Variants in PIP5K1B observed in about 807,000 individuals in gnomAD.
PIP5K1B encodes phosphatidylinositol 4-phosphate 5-kinase type-1 beta.
A neutral mutation model predicts 67.0 loss-of-function variants in PIP5K1B; 42 were observed. That is an observed-to-expected ratio of 0.63 (90% CI 0.49 to 0.81). PIP5K1B has a LOEUF of 0.81. Ranked by LOEUF, PIP5K1B falls within the 30% of genes least tolerant of loss-of-function variation. The pLI is 0.00. For synonymous variants in PIP5K1B, 214 were observed against 231.4 expected (o/e 0.92, Z 0.68); for missense variants, 459 against 646.3 (o/e 0.71, Z 3.14).
chr9:68,765,817 C>G (rs1830400602), intron 2 of PIP5K1B, among the ~76,000 whole-genome samples: 1 of 152,180 alleles, frequency 6.6e-6, no homozygotes, highest in Admixed American at 6.5e-5. Flanking sequence ...AGAACAAGCA[C>G]TGTCAGATCT....
intron 8 of PIP5K1B, among the ~76,000 whole-genome samples, chr9:68,910,940 G>A (rs1218993859): frequency 2.0e-5 from 3 of 152,256 alleles, no homozygotes; most frequent in Admixed American, 2.0e-4. Context: ...AAAGACATTG[G>A]CTAGGGCCAT....
intron 8 of PIP5K1B, among the ~76,000 whole-genome samples, chr9:68,901,698 T>TA (rs1825362477): frequency 6.6e-6 from 1 of 152,218 alleles, no homozygotes; most frequent in South Asian, 2.1e-4. Context: ...AAAGCAAAGT[T>TA]AAAGTTGGTG....
At chr9:68,885,632 A>G (rs549703141) in intron 6 of PIP5K1B, among the ~76,000 whole-genome samples, 17 of 143,488 alleles carry the variant, frequency 1.2e-4, no homozygotes, top group Non-Finnish European at 1.8e-4. Context: ...GAGCTAAGCT[A>G]TGGGTATGCA....
At chr9:68,880,196 G>GATAGATAC (rs1451761853) in intron 6 of PIP5K1B, among the ~76,000 whole-genome samples, 1 of 152,198 alleles carries the variant, frequency 6.6e-6, no homozygotes, top group African/African-American at 2.4e-5. Context: ...GACGCTGGAA[G>GATAGATAC]ATAGATACAT....
At chr9:68,821,324 A>G (rs1485646938) in intron 3 of PIP5K1B, among the ~76,000 whole-genome samples, 1 of 152,238 alleles carries the variant, frequency 6.6e-6, no homozygotes, top group African/African-American at 2.4e-5. Context: ...GCAATTAATG[A>G]CCTTAAAACA....
At position 68,778,380 on chromosome 9, in the gene PIP5K1B, C is replaced by T. The variant is rs1443493465; in HGVS notation, c.-86+35723C>T. ...CCTTGTGTTCTTCTGCTTCAGATCT[C>T]TTAATTTCTACAACTCTAAATGTGC... On this transcript the variant is annotated intron_variant, in intron 2 of 15. Transcript: ENST00000265382. Among the ~76,000 whole-genome samples the T allele has an allele frequency of 1.1e-4, 16 of 152,184 alleles. 1 individual carries two copies. Among genetic ancestry groups the T allele is most frequent in the Admixed American group, 1.0e-3 (16 of 15,280 alleles).
At chr9:68,781,065 G>C (rs956030755) in intron 2 of PIP5K1B, 5 of 1,582,676 alleles carry the variant, frequency 3.2e-6, no homozygotes, top group Non-Finnish European at 4.3e-6. Context: ...GCAGTGGAGA[G>C]AGAGAATAAT....
At chr9:68,709,523 G>T (rs922682801) in intron 1 of PIP5K1B, among the ~76,000 whole-genome samples, 2 of 152,192 alleles carry the variant, frequency 1.3e-5, no homozygotes, top group Non-Finnish European at 2.9e-5. Flanking sequence ...GTGAGACCCT[G>T]TGCTCGGCCA....
At chr9:68,908,386 A>G (rs2132472181) in intron 8 of PIP5K1B, among the ~76,000 whole-genome samples, 1 of 152,074 alleles carries the variant, frequency 6.6e-6, no homozygotes, top group South Asian at 2.1e-4. Flanking sequence ...CATTATATAT[A>G]TACATGTATA....
At chr9:68,787,663 C>T (rs546451686) in intron 2 of PIP5K1B, among the ~76,000 whole-genome samples, 121 of 152,100 alleles carry the variant, frequency 8.0e-4, no homozygotes, top group African/African-American at 2.5e-3. Flanking sequence ...GACAGAGTCT[C>T]GCTCTGTCAC....
chr9:68,915,862 G>A (rs2132506392), intron 8 of PIP5K1B, among the ~76,000 whole-genome samples: 1 of 152,330 alleles, frequency 6.6e-6, no homozygotes, highest in African/African-American at 2.4e-5. Flanking sequence ...TGATGGCAAA[G>A]ATGCCTGTAA....
Position 68,934,946 on chromosome 9 carries a change from A to G in PIP5K1B, c.1258A>G (p.Thr420Ala), listed in dbSNP as rs766030406. 5.8e-5 allele frequency: 93 copies of G among 1,613,236 alleles called. No individual in the cohort carries two copies. Among genetic ancestry groups the G allele is most frequent in the Non-Finnish European group, 7.5e-5 (88 of 1,179,504 alleles). Residue 420 changes from threonine to alanine, a missense_variant, in exon 13 of 16, where the codon ACT becomes GCT. This residue lies in a region of PIP5K1B where 169 missense variants were observed against 171.9 expected (regional missense o/e 0.98). Coordinates refer to ENST00000265382, the MANE Select transcript of PIP5K1B (RefSeq NM_003558.4). ...CAATTCAATCGCCGCCCTAAAGGCCACTTCACAGGAGATTGTGTCCTCAAT... is the reference window on the plus strand; with the variant it reads ...CAATTCAATCGCCGCCCTAAAGGCCGCTTCACAGGAGATTGTGTCCTCAAT... The part of the protein sequence containing the change: ...RCNSIAALKA[T>A]SQEIVSSISQ...
chr9:68,719,549 T>G (rs759436178), intron 1 of PIP5K1B, among the ~76,000 whole-genome samples: 1 of 152,254 alleles, frequency 6.6e-6, no homozygotes, highest in Non-Finnish European at 1.5e-5. Flanking sequence ...AACGGTGTCA[T>G]TGCTGTGGCA....
At chr9:68,863,135 A>T (rs953859204) in intron 4 of PIP5K1B, among the ~76,000 whole-genome samples, 2 of 152,162 alleles carry the variant, frequency 1.3e-5, no homozygotes, top group Non-Finnish European at 2.9e-5. Context: ...CCTGTGCAGC[A>T]TCCCTGGCCT....
intron 7 of PIP5K1B, among the ~76,000 whole-genome samples, chr9:68,893,772 C>T (rs958504053): frequency 6.6e-6 from 1 of 152,162 alleles, no homozygotes; most frequent in Non-Finnish European, 1.5e-5. Context: ...GCAAAATTAT[C>T]TTTAAGGTGA....
At chr9:68,731,426 G>T (rs1828425793) in intron 1 of PIP5K1B, among the ~76,000 whole-genome samples, 1 of 152,206 alleles carries the variant, frequency 6.6e-6, no homozygotes, top group Non-Finnish European at 1.5e-5. Flanking sequence ...TATTGAGAGG[G>T]TTAACCGAGA....
Position 68,739,478 on chromosome 9 carries a change from GTTAGCACATTATA to G in PIP5K1B, c.-242-3020_-242-3008del, listed in dbSNP as rs1268979068. Among the ~76,000 whole-genome samples the G allele has an allele frequency of 2.0e-5, 3 of 152,304 alleles. No homozygotes were observed. In the East Asian group the frequency reaches 5.8e-4, roughly 29 times the overall value. On this transcript the variant is annotated intron_variant, in intron 1 of 15. Coordinates refer to ENST00000265382, the MANE Select transcript of PIP5K1B (RefSeq NM_003558.4). ...TTGACTGACAAAGACAAGAGGCCAC[GTTAGCACATTATA>G]TTCTTTCCTTAAAACTTTAAAATAT...
intron 2 of PIP5K1B, among the ~76,000 whole-genome samples, chr9:68,810,701 G>C (rs1425096198): frequency 6.6e-6 from 1 of 152,088 alleles, no homozygotes; most frequent in Non-Finnish European, 1.5e-5. Context: ...TGGCCCCCAG[G>C]CACAATATAT....
At chr9:68,746,221 G>C (rs1185442079) in intron 2 of PIP5K1B, among the ~76,000 whole-genome samples, 1 of 151,826 alleles carries the variant, frequency 6.6e-6, no homozygotes, top group Non-Finnish European at 1.5e-5. Context: ...TAGGACTACA[G>C]GCATGCATCA....
Sources: gnomAD v4.1 joint callset for allele counts (sites outside exome capture counted in the v4.1 genomes callset) on GRCh38, gnomAD v4.1.1 for gene constraint, gnomAD v4.1.1 regional missense constraint, MANE v1.5 for transcripts, NCBI Gene and HGNC (gene_info 2026-07-23, HGNC 2026-07-21) for gene names.